MAPK10: variants seen among roughly 807,000 people sequenced by gnomAD.
MAPK10 encodes the protein mitogen-activated protein kinase 10, also known as JNK3 alpha protein kinase.
A neutral mutation model predicts 59.3 loss-of-function variants in MAPK10; 25 were observed. The ratio of observed to expected loss-of-function variants is 0.42; its 90% CI spans 0.31 to 0.59. MAPK10 has a LOEUF of 0.59. Among genes scored for constraint, MAPK10 ranks in the 20% least tolerant of loss-of-function variants. The probability of loss-of-function intolerance (pLI) is 0.15; values close to 1 mark genes in which losing one functional copy is unlikely to be tolerated. For missense variants in MAPK10, 351 were observed against 568.9 expected, an observed-to-expected ratio of 0.62 and a Z score of 3.90; for synonymous variants, 190 against 200.5, an observed-to-expected ratio of 0.95 and a Z score of 0.44.
At position 86,134,679 on chromosome 4, in the gene MAPK10, G is replaced by A. The variant is rs557147380; in HGVS notation, c.236+24619C>T. On this transcript the variant is annotated intron_variant, in intron 4 of 13. Transcript: ENST00000641462. ...CAAATTAAAGTAAAATTGGGGGGAG[G>A]AGCCAAGATGGCCGAATAGGAACAG... Among the ~76,000 whole-genome samples the A allele has an allele frequency of 4.6e-5, 7 of 152,236 alleles. No individual in the cohort carries two copies. The East Asian group carries it at 9.6e-4, about 21-fold the overall frequency.
At chr4:86,466,210 T>C (rs1752186115) in intron 1 of MAPK10, among the ~76,000 whole-genome samples, 1 of 152,162 alleles carries the variant, frequency 6.6e-6, no homozygotes, top group African/African-American at 2.4e-5. Flanking sequence ...ATGAATGTAC[T>C]TGTTTGGGAA....
In MAPK10 at chr4:86,084,680, C is replaced by T. The variant is rs556894728; in HGVS notation, c.802+13844G>A. ...GTTAAAATGTCCATACTACCCAAAG[C>T]AATCTACAGATTCAATGCAGTCCCT... On this transcript the variant is annotated intron_variant, in intron 9 of 13. Coordinates refer to ENST00000641462, the MANE Select transcript of MAPK10 (RefSeq NM_138982.4). 2.8e-5 allele frequency among the ~76,000 whole-genome samples: 4 copies of T among 144,690 alleles called. No individual in the cohort carries two copies. The East Asian group carries it at 7.7e-4, about 28-fold the overall frequency. 94.9% of individuals were successfully genotyped at this position (144,690 alleles called of 152,430 possible).
chr4:86,271,499 G>C (rs1425768513), intron 2 of MAPK10, among the ~76,000 whole-genome samples: 1 of 151,708 alleles, frequency 6.6e-6, no homozygotes, highest in Admixed American at 6.6e-5. Context: ...TTGTTACCTG[G>C]GTATATTCTG....
At chr4:86,427,273 A>T (rs1253621791) in intron 1 of MAPK10, among the ~76,000 whole-genome samples, 1 of 151,876 alleles carries the variant, frequency 6.6e-6, no homozygotes, top group African/African-American at 2.4e-5. Context: ...AAAAAAAAAA[A>T]AAAAATTAAA....
At chr4:86,211,336 G>A (rs79157412) in intron 2 of MAPK10, among the ~76,000 whole-genome samples, 1 of 151,964 alleles carries the variant, frequency 6.6e-6, no homozygotes, top group Non-Finnish European at 1.5e-5. Context: ...CAGTGAGAAA[G>A]AAGTGATTCA....
intron 1 of MAPK10, among the ~76,000 whole-genome samples, chr4:86,477,559 C>G (rs1753203733): frequency 6.6e-6 from 1 of 152,156 alleles, no homozygotes; most frequent in South Asian, 2.1e-4. Context: ...TCACCCTTAC[C>G]CTGCTCAACG....
intron 2 of MAPK10, among the ~76,000 whole-genome samples, chr4:86,256,670 A>G (rs17011621): frequency 0.016 from 2,350 of 151,562 alleles, 77 homozygotes; most frequent in African/African-American, 0.054. Flanking sequence ...TTGAAACTCA[A>G]CACACTTCTT....
chr4:86,411,227 A>G (rs1454149684), intron 1 of MAPK10, among the ~76,000 whole-genome samples: 1 of 152,144 alleles, frequency 6.6e-6, no homozygotes, highest in Non-Finnish European at 1.5e-5. Flanking sequence ...GAGTTTCTTA[A>G]TCCCGAATTC....
chr4:86,459,130 A>C (rs1342136133), intron 1 of MAPK10, among the ~76,000 whole-genome samples: 1 of 152,286 alleles, frequency 6.6e-6, no homozygotes, highest in Non-Finnish European at 1.5e-5. Context: ...TCAAAAGAGG[A>C]TATACAAATG....
intron 2 of MAPK10, among the ~76,000 whole-genome samples, chr4:86,270,643 A>G (rs1289397484): frequency 1.3e-5 from 2 of 152,080 alleles, no homozygotes; most frequent in Non-Finnish European, 2.9e-5. Context: ...AATATCCCAG[A>G]TGTTAACCCA....
Position 86,514,956 on chromosome 4 carries a change from T to C in MAPK10, c.-263+78954A>G, listed in dbSNP as rs550885199. ...TTTGGTGCACCCATCACCTGAGCAGTGTACACTGTGCCCAATGTGTAGTCT... is the reference window on the plus strand; with the variant it reads ...TTTGGTGCACCCATCACCTGAGCAGCGTACACTGTGCCCAATGTGTAGTCT... On this transcript the variant is annotated intron_variant, in intron 1 of 4. Transcript: ENST00000502302. 4.0e-4 allele frequency among the ~76,000 whole-genome samples: 61 copies of C among 152,280 alleles called. No homozygotes were observed. The Middle Eastern group carries it at 0.02, about 51-fold the overall frequency.
chr4:86,398,226 CA>C (rs61450319), intron 1 of MAPK10, among the ~76,000 whole-genome samples: 71,067 of 142,548 alleles, frequency 0.5, 16,872 homozygotes, highest in Admixed American at 0.54. Context: ...AACAAACAAA[CA>C]AAAAAAAAAA....
chr4:86,320,850 G>T (rs143180245), intron 2 of MAPK10, among the ~76,000 whole-genome samples: 436 of 152,084 alleles, frequency 2.9e-3, no homozygotes, highest in Non-Finnish European at 4.2e-3. Context: ...GTAAGGAAGG[G>T]ATCCAGTTTC....
At chr4:86,558,887 G>A (rs1244766393) in intron 1 of MAPK10, among the ~76,000 whole-genome samples, 1 of 151,344 alleles carries the variant, frequency 6.6e-6, no homozygotes, top group Non-Finnish European at 1.5e-5. Flanking sequence ...GATCATTCAT[G>A]GGGACATTCT....
In MAPK10 at chr4:86,578,006, A is replaced by G. The variant is rs146176866; in HGVS notation, c.-263+15904T>C. On this transcript the variant is annotated intron_variant, in intron 1 of 4. Coordinates refer to the MAPK10 transcript ENST00000502302. ...ATTAAGGTTGGTATTATTAATACCTATATTAATAAGGTAGTAATTTCTAAG... is the reference window on the plus strand; with the variant it reads ...ATTAAGGTTGGTATTATTAATACCTGTATTAATAAGGTAGTAATTTCTAAG... Among the ~76,000 whole-genome samples, 1,460 of 152,234 alleles carry G rather than the reference A, an allele frequency of 9.6e-3. 16 individuals are homozygous for G. Among genetic ancestry groups the G allele is most frequent in the African/African-American group, 0.033 (1,372 of 41,518 alleles).
At chr4:86,205,832 G>A (rs2083710227) in intron 2 of MAPK10, among the ~76,000 whole-genome samples, 1 of 151,844 alleles carries the variant, frequency 6.6e-6, no homozygotes, top group Non-Finnish European at 1.5e-5. Context: ...AACTGGGTAA[G>A]AGTTTTCTAT....
intron 1 of MAPK10, among the ~76,000 whole-genome samples, chr4:86,550,198 T>C (rs1055136839): frequency 2.9e-5 from 4 of 140,116 alleles, no homozygotes; most frequent in Non-Finnish European, 1.6e-5. Context: ...CTACTAGCCA[T>C]ACTCCCCGAG....
At chr4:86,231,112 T>G (rs1220943406) in intron 2 of MAPK10, among the ~76,000 whole-genome samples, 1 of 152,238 alleles carries the variant, frequency 6.6e-6, no homozygotes, top group African/African-American at 2.4e-5. Context: ...TTTAATCTCA[T>G]GAATTACTTG....
intron 2 of MAPK10, among the ~76,000 whole-genome samples, chr4:86,299,848 T>C (rs759319017): frequency 6.6e-5 from 10 of 152,148 alleles, no homozygotes; most frequent in Non-Finnish European, 1.3e-4. Flanking sequence ...TGGTAAACCG[T>C]ATTTACATCT....
Sources: allele counts gnomAD v4.1 joint callset (sites outside exome capture counted in the v4.1 genomes callset), GRCh38; gene constraint gnomAD v4.1.1; transcripts MANE v1.5; gene names NCBI Gene and HGNC (gene_info 2026-07-23, HGNC 2026-07-21).